LRGUK: variants seen among roughly 807,000 people sequenced by gnomAD.
LRGUK encodes the protein leucine-rich repeat and guanylate kinase domain-containing protein.
LRGUK carries 65 observed loss-of-function variants against 76.0 expected under a neutral mutation model. The ratio of observed to expected loss-of-function variants is 0.85; its 90% CI spans 0.70 to 1.05. LRGUK has a LOEUF of 1.05. LRGUK is among the 50% of genes least tolerant of loss of function. The pLI is 0.00. For synonymous variants in LRGUK, 268 were observed against 265.6 expected, an observed-to-expected ratio of 1.01 and a Z score of -0.09; for missense variants, 758 against 732.8, an observed-to-expected ratio of 1.03 and a Z score of -0.40.
At chr7:134,130,292 C>G (rs1797242093) in intron 1 of LRGUK, among the ~76,000 whole-genome samples, 1 of 152,102 alleles carries the variant, frequency 6.6e-6, no homozygotes, top group South Asian at 2.1e-4. Context: ...CAGCTTCCCC[C>G]CCCCCCCAGA....
At chr7:134,191,797 C>G in intron 12 of LRGUK, 46 bp downstream of exon 12, 1 of 1,245,886 alleles carries the variant, frequency 8.0e-7, no homozygotes, top group Non-Finnish European at 1.1e-6. Flanking sequence ...AATACACGTT[C>G]TCTGGCAAAA....
intron 6 of LRGUK, 89 bp downstream of exon 6, chr7:134,158,248 T>C: frequency 8.5e-7 from 1 of 1,179,790 alleles, no homozygotes; most frequent in East Asian, 2.5e-5. Context: ...GATTCAAATA[T>C]ATAAAGAGAA....
intron 1 of LRGUK, among the ~76,000 whole-genome samples, chr7:134,131,407 T>G (rs1424198094): frequency 6.6e-6 from 1 of 152,204 alleles, no homozygotes; most frequent in Non-Finnish European, 1.5e-5. Flanking sequence ...TCAGCATACC[T>G]GTAGTATGTC....
At chr7:134,260,651 T>C (rs1333947005) in intron 19 of LRGUK, among the ~76,000 whole-genome samples, 1 of 152,140 alleles carries the variant, frequency 6.6e-6, no homozygotes, top group Admixed American at 6.6e-5. Context: ...CTTTTAAATG[T>C]TTTAATTTTC....
chr7:134,176,126 A>G (rs1799467748), intron 8 of LRGUK, among the ~76,000 whole-genome samples: 2 of 152,138 alleles, frequency 1.3e-5, no homozygotes, highest in Non-Finnish European at 2.9e-5. Context: ...TACCACAGGA[A>G]CAGGAAACCA....
At chr7:134,157,598 T>C (rs184109441) in intron 5 of LRGUK, among the ~76,000 whole-genome samples, 167 of 152,304 alleles carry the variant, frequency 1.1e-3, no homozygotes, top group African/African-American at 3.7e-3. Context: ...TCTCTGCTCA[T>C]TGCAAGCTCC....
intron 18 of LRGUK, among the ~76,000 whole-genome samples, chr7:134,254,558 T>G (rs1802527897): frequency 6.6e-6 from 1 of 152,090 alleles, no homozygotes; most frequent in Non-Finnish European, 1.5e-5. Flanking sequence ...CTCTGGAGTC[T>G]TAAATAAGGG....
intron 16 of LRGUK, among the ~76,000 whole-genome samples, chr7:134,243,497 A>G (rs1802216199): frequency 6.6e-6 from 1 of 152,188 alleles, no homozygotes; most frequent in Admixed American, 6.5e-5. Flanking sequence ...CTTACAAGGG[A>G]TGTGAAGGAC....
Position 134,139,501 on chromosome 7 carries a change from A to C in LRGUK, c.471A>C (p.Ser157=), listed in dbSNP as rs61749956. The C allele has an allele frequency of 5.9e-3, 9,540 of 1,605,058 alleles. 29 individuals carry two copies. Among genetic ancestry groups the C allele is most frequent in the Non-Finnish European group, 7.3e-3 (8,550 of 1,172,706 alleles). ...TTCATCTACAGAAGTTGGATCTTTCAGCGAATAAAATTGAAGGTATGTAAT... is the reference window on the plus strand; with the variant it reads ...TTCATCTACAGAAGTTGGATCTTTCCGCGAATAAAATTGAAGGTATGTAAT... The change falls in exon 3 of 16, where the codon TCA becomes TCC. Residue 157 remains serine (S), a synonymous_variant. Coordinates refer to ENST00000645682, the Ensembl canonical transcript of LRGUK.
chr7:134,267,108 A>C (rs1802870308), downstream of LRGUK, among the ~76,000 whole-genome samples: 1 of 152,162 alleles, frequency 6.6e-6, no homozygotes, highest in Non-Finnish European at 1.5e-5. Flanking sequence ...GTTGCCAACA[A>C]ACCTATCCTA....
intron 7 of LRGUK, among the ~76,000 whole-genome samples, chr7:134,164,429 C>A (rs1798886159): frequency 6.6e-6 from 1 of 152,102 alleles, no homozygotes; most frequent in Non-Finnish European, 1.5e-5. Context: ...ACTTCAAAAA[C>A]CACAGAAACT....
rs565273619 is a variant in LRGUK at position 134,173,842 on chromosome 7, G to C, written c.940-714G>C. Reference sequence around the variant, plus strand: ...TGCAGTAAGAAGGCTTTGGCCGGGTGGCTCATGCCTGTAATCCCAGAACTT... The same window carrying C: ...TGCAGTAAGAAGGCTTTGGCCGGGTCGCTCATGCCTGTAATCCCAGAACTT... On this transcript the variant is annotated intron_variant, in intron 7 of 15. Transcript: ENST00000645682. Among the ~76,000 whole-genome samples the C allele has an allele frequency of 5.3e-5, 8 of 152,316 alleles. No individual in the cohort carries two copies. In the South Asian group the frequency reaches 1.7e-3, roughly 32 times the overall value.
chr7:134,220,579 C>T (rs938639601), intron 15 of LRGUK, among the ~76,000 whole-genome samples: 1 of 145,114 alleles, frequency 6.9e-6, no homozygotes, highest in African/African-American at 2.5e-5. Context: ...TCTTCTTCTT[C>T]TTTTTTTTTT....
chr7:134,205,712 A>G (rs866009421), intron 15 of LRGUK, among the ~76,000 whole-genome samples: 14 of 152,126 alleles, frequency 9.2e-5, no homozygotes, highest in Middle Eastern at 3.4e-3. Context: ...AAATCTAACC[A>G]ATAACCATTA....
rs137974320 is a variant in LRGUK, at chr7:134,181,415, G to A, written c.1215-2319G>A. Among the ~76,000 whole-genome samples, 303 of 150,650 alleles carry A rather than the reference G, an allele frequency of 2.0e-3. 2 individuals carry two copies. The highest frequency in any genetic ancestry group is 7.0e-3 in the African/African-American group (289 of 41,070). The stretch of plus-strand genomic sequence containing the variant: ...GTGCTTTTTTTTTTTCTAATTGGAA[G>A]TTTTTTTCTTTTTCTTTAAAGCCAA... On this transcript the variant is annotated intron_variant, in intron 10 of 15. Transcript: ENST00000645682.
At chr7:134,233,798 A>C (rs1308687794) in intron 16 of LRGUK, among the ~76,000 whole-genome samples, 1 of 152,156 alleles carries the variant, frequency 6.6e-6, no homozygotes, top group Admixed American at 6.5e-5. Context: ...GAGAGAAGAC[A>C]TTTGATTTCC....
At chr7:134,141,583 G>A (rs1001664091) in intron 3 of LRGUK, 7 of 152,230 alleles carry the variant, frequency 4.6e-5, no homozygotes, top group African/African-American at 1.7e-4. Context: ...TACAGTGTGT[G>A]AAATGCACTC....
downstream of LRGUK, among the ~76,000 whole-genome samples, chr7:134,266,671 A>G (rs1802861485): frequency 6.6e-6 from 1 of 152,210 alleles, no homozygotes; most frequent in African/African-American, 2.4e-5. Flanking sequence ...ATGTGAAAAG[A>G]TCTAATGTTT....
chr7:134,249,617 A>G (rs1802395699), intron 18 of LRGUK, among the ~76,000 whole-genome samples: 1 of 152,154 alleles, frequency 6.6e-6, no homozygotes, highest in African/African-American at 2.4e-5. Flanking sequence ...GATTAGTATG[A>G]CGCTGTATTT....
Sources: gnomAD v4.1 joint callset for allele counts (sites outside exome capture counted in the v4.1 genomes callset) on GRCh38, gnomAD v4.1.1 for gene constraint, MANE v1.5 for transcripts, NCBI Gene and HGNC (gene_info 2026-07-23, HGNC 2026-07-21) for gene names.